Variants in DAP observed in about 807,000 individuals in gnomAD.
The protein encoded by DAP is death associated protein.
A neutral mutation model predicts 13.8 loss-of-function variants in DAP; 8 were observed. The observed-to-expected ratio is 0.58, with a 90% CI of 0.34 to 1.05. The LOEUF (loss-of-function observed/expected upper bound fraction) is 1.05, where lower values mean the gene tolerates loss of function less well. Among genes scored for constraint, DAP ranks in the 50% least tolerant of loss-of-function variants. The pLI is 0.03. For missense variants in DAP, 106 were observed against 133.2 expected (o/e 0.80, Z 1.01); for synonymous variants, 47 against 47.5 (o/e 0.99, Z 0.04).
At chr5:10,756,712 C>T (rs1214035941) in intron 1 of DAP, among the ~76,000 whole-genome samples, 1 of 152,138 alleles carries the variant, frequency 6.6e-6, no homozygotes, top group Non-Finnish European at 1.5e-5. Flanking sequence ...GGGAACAGGG[C>T]CAGCAAAATG....
intron 2 of DAP, 122 bp downstream of exon 2, chr5:10,748,053 C>G (rs577573566): frequency 8.7e-6 from 6 of 692,178 alleles, no homozygotes; most frequent in Non-Finnish European, 1.5e-5. Flanking sequence ...GGGAAAAATA[C>G]ACAGAACAGG....
At chr5:10,721,286 A>G (rs62338814) in intron 2 of DAP, among the ~76,000 whole-genome samples, 13,938 of 152,188 alleles carry the variant, frequency 0.092, 892 homozygotes, top group African/African-American at 0.18. Context: ...CCACTGGCAA[A>G]ATTTTTGCTT....
chr5:10,727,797 A>C (rs1453930278), intron 2 of DAP, among the ~76,000 whole-genome samples: 1 of 152,256 alleles, frequency 6.6e-6, no homozygotes, highest in African/African-American at 2.4e-5. Context: ...TGTGGATACC[A>C]CAATCCCACA....
At chr5:10,720,456 G>C (rs1287768892) in intron 2 of DAP, among the ~76,000 whole-genome samples, 1 of 152,234 alleles carries the variant, frequency 6.6e-6, no homozygotes. Context: ...TGTATCCCCT[G>C]TGAGTGCTCA....
rs189861357 is a variant in DAP at position 10,683,330 on chromosome 5, T to C, written c.195+199A>G. The C allele has an allele frequency of 5.9e-3, 3,972 of 669,990 alleles. 26 individuals are homozygous for C. The highest frequency in any genetic ancestry group is 8.7e-3 in the Non-Finnish European group (3,255 of 374,896). 41.5% of individuals were successfully genotyped at this position (669,990 alleles called of 1,614,324 possible). ...TCACCAGACGGCGGCTCTGGAAAGG[T>C]AAAGGATGCGAGTCTGGCCTGCGGT... On this transcript the variant is annotated intron_variant, in intron 3 of 3. Coordinates refer to ENST00000230895, the MANE Select transcript of DAP (RefSeq NM_004394.3).
At position 10,761,201 on chromosome 5, in the gene DAP, G is replaced by A. The variant is rs904222978; in HGVS notation, c.-133C>T. 2.0e-5 allele frequency: 7 copies of A among 347,998 alleles called. No homozygotes were observed. The highest frequency in any genetic ancestry group is 1.1e-4 in the African/African-American group (5 of 44,844). The allele number at this position is 347,998 out of a possible 1,614,324, so 21.6% of individuals were successfully genotyped here. A position where few individuals can be genotyped will look rare whatever the true frequency, so the allele number is the denominator to read the frequency against. ...AACGACGCGCGCGCGTGGGGCGCCG[G>A]GGCCGCGCGAGCCGGGTGAGTGCCA... On this transcript the variant is annotated 5_prime_UTR_variant, in exon 1 of 4. Coordinates refer to ENST00000230895, the MANE Select transcript of DAP (RefSeq NM_004394.3).
intron 2 of DAP, among the ~76,000 whole-genome samples, chr5:10,692,143 C>T (rs1019214212): frequency 2.0e-5 from 3 of 152,174 alleles, no homozygotes; most frequent in African/African-American, 7.2e-5. Context: ...AGTTTTAAAA[C>T]TTCCCTAAAC....
chr5:10,702,858 TTTA>T (rs1738615813), intron 2 of DAP, among the ~76,000 whole-genome samples: 1 of 152,150 alleles, frequency 6.6e-6, no homozygotes, highest in South Asian at 2.1e-4. Flanking sequence ...AGCATGTCTT[TTTA>T]ATAAAGTGCG....
At chr5:10,691,828 C>A (rs370286923) in intron 2 of DAP, among the ~76,000 whole-genome samples, 7 of 152,194 alleles carry the variant, frequency 4.6e-5, no homozygotes, top group Non-Finnish European at 4.4e-5. Flanking sequence ...CTTTTTCACA[C>A]CCAGACTAAG....
intron 2 of DAP, among the ~76,000 whole-genome samples, chr5:10,741,061 T>C (rs2918413): frequency 0.26 from 39,118 of 152,144 alleles, 5,210 homozygotes; most frequent in Middle Eastern, 0.38. Flanking sequence ...TAGTTTAAAA[T>C]TGGCTGTAGC....
At chr5:10,699,613 G>A (rs1738516296) in intron 2 of DAP, among the ~76,000 whole-genome samples, 1 of 152,246 alleles carries the variant, frequency 6.6e-6, no homozygotes, top group Admixed American at 6.5e-5. Flanking sequence ...TTATTGACAG[G>A]AAGGACTTCC....
At chr5:10,758,401 CATTTGAGGGGTGCTGT>C (rs1740249123) in intron 1 of DAP, among the ~76,000 whole-genome samples, 1 of 91,276 alleles carries the variant, frequency 1.1e-5, no homozygotes, top group Non-Finnish European at 2.3e-5. Context: ...GTGCTGTTGG[CATTTGAGGGGTGCTGT>C]TGGCATTTGA....
intron 2 of DAP, among the ~76,000 whole-genome samples, chr5:10,740,576 C>T (rs1037401946): frequency 6.6e-6 from 1 of 151,982 alleles, no homozygotes; most frequent in African/African-American, 2.4e-5. Flanking sequence ...AGAAAAATGA[C>T]AAGAATTATG....
At chr5:10,749,191 T>C (rs918063625) in intron 1 of DAP, among the ~76,000 whole-genome samples, 4 of 152,276 alleles carry the variant, frequency 2.6e-5, no homozygotes, top group East Asian at 3.8e-4. Flanking sequence ...ATGTATCACA[T>C]TGTATCTCTC....
intron 2 of DAP, among the ~76,000 whole-genome samples, chr5:10,685,669 C>T (rs549443499): frequency 1.1e-4 from 16 of 152,314 alleles, no homozygotes; most frequent in Admixed American, 2.6e-4. Context: ...GCCGTCTTTC[C>T]GTAGCAGGAG....
chr5:10,761,161 G>A lies in DAP; in HGVS notation c.-93C>T, dbSNP rs1044332030. The A allele has an allele frequency of 1.5e-5, 11 of 726,464 alleles. No homozygotes were observed. The African/African-American group carries it at 2.1e-4, about 14-fold the overall frequency. The allele number at this position is 726,464 out of a possible 1,614,324, so 45.0% of individuals were successfully genotyped here. A position where few individuals can be genotyped will look rare whatever the true frequency, so the allele number is the denominator to read the frequency against. On this transcript the variant is annotated 5_prime_UTR_variant, in exon 1 of 4. Transcript: ENST00000230895. ...TGAGCTCAGGTGTGAGCGCCGGGGA[G>A]CGAGCGGGCGGGAGAACGACGCGCG... is the stretch of plus-strand genomic sequence containing the variant.
At chr5:10,725,159 T>A (rs542806904) in intron 2 of DAP, among the ~76,000 whole-genome samples, 1 of 152,354 alleles carries the variant, frequency 6.6e-6, no homozygotes, top group East Asian at 1.9e-4. Flanking sequence ...ATTTCAGGCT[T>A]ATTTTTTTTC....
chr5:10,713,362 G>A (rs1461599147), intron 2 of DAP, among the ~76,000 whole-genome samples: 1 of 152,178 alleles, frequency 6.6e-6, no homozygotes, highest in East Asian at 1.9e-4. Context: ...TTCCAGGCAC[G>A]ACAGCAGGAC....
At chr5:10,758,717 G>T (rs1195446752) in intron 1 of DAP, among the ~76,000 whole-genome samples, 1 of 152,182 alleles carries the variant, frequency 6.6e-6, no homozygotes, top group African/African-American at 2.4e-5. Flanking sequence ...CCAGTGAAGC[G>T]TGAAGTGATG....
Sources: gnomAD v4.1 joint callset for allele counts (sites outside exome capture counted in the v4.1 genomes callset) on GRCh38, gnomAD v4.1.1 for gene constraint, MANE v1.5 for transcripts, NCBI Gene and HGNC (gene_info 2026-07-23, HGNC 2026-07-21) for gene names.